SUCLG2: variants seen among roughly 807,000 people sequenced by gnomAD.
The protein encoded by SUCLG2 is succinate-CoA ligase GDP-forming subunit beta, also known as succinate--CoA ligase [GDP-forming] subunit beta, mitochondrial.
A neutral mutation model predicts 47.9 loss-of-function variants in SUCLG2; 42 were observed. The observed-to-expected ratio is 0.88, with a 90% CI of 0.69 to 1.14. The LOEUF (loss-of-function observed/expected upper bound fraction) is 1.14. SUCLG2 is among the 50% of genes most tolerant of loss of function. The probability of loss-of-function intolerance (pLI) is 0.00; values close to 1 mark genes in which losing one functional copy is unlikely to be tolerated. For missense variants in SUCLG2, 571 were observed against 525.9 expected, an observed-to-expected ratio of 1.09 and a Z score of -0.84; for synonymous variants, 195 against 197.3, an observed-to-expected ratio of 0.99 and a Z score of 0.10.
intron 10 of SUCLG2, among the ~76,000 whole-genome samples, chr3:67,395,258 G>C (rs1702496796): frequency 1.3e-5 from 2 of 152,228 alleles, no homozygotes; most frequent in South Asian, 4.2e-4. Flanking sequence ...ACCCATCAGT[G>C]TGCTGTATTC....
chr3:67,569,229 T>C (rs1172512919), intron 2 of SUCLG2, among the ~76,000 whole-genome samples: 2 of 152,246 alleles, frequency 1.3e-5, no homozygotes, highest in African/African-American at 4.8e-5. Flanking sequence ...TTAAAAATGC[T>C]AAATTCTTAG....
chr3:67,492,701 G>C (rs73836532), intron 9 of SUCLG2, among the ~76,000 whole-genome samples: 3,308 of 152,228 alleles, frequency 0.022, 66 homozygotes, highest in African/African-American at 0.052. Flanking sequence ...CAGTAAGTGA[G>C]TTTATCTTGA....
chr3:67,470,286 T>G (rs1409513267), intron 9 of SUCLG2, among the ~76,000 whole-genome samples: 1 of 152,202 alleles, frequency 6.6e-6, no homozygotes, highest in African/African-American at 2.4e-5. Flanking sequence ...TAGCCAAAAA[T>G]GTGCACATAA....
At chr3:67,458,766 T>G (rs1704253890) in intron 9 of SUCLG2, among the ~76,000 whole-genome samples, 1 of 152,172 alleles carries the variant, frequency 6.6e-6, no homozygotes. Context: ...TGAATGCATA[T>G]TAAAACACTC....
At chr3:67,389,540 A>C (rs1430944283) in intron 10 of SUCLG2, among the ~76,000 whole-genome samples, 5 of 152,168 alleles carry the variant, frequency 3.3e-5, no homozygotes. Context: ...AGTGGAGAAA[A>C]AGTTGCCAAC....
chr3:67,479,021 A>G (rs1704841565), intron 9 of SUCLG2, among the ~76,000 whole-genome samples: 1 of 152,252 alleles, frequency 6.6e-6, no homozygotes, highest in African/African-American at 2.4e-5. Flanking sequence ...ATGGGAATTA[A>G]AAGTAGCTCA....
chr3:67,540,789 C>T (rs1706682259), intron 2 of SUCLG2, among the ~76,000 whole-genome samples: 1 of 152,304 alleles, frequency 6.6e-6, no homozygotes, highest in East Asian at 1.9e-4. Context: ...ACACCTCATA[C>T]AGGAGAGCTC....
chr3:67,597,028 T>C (rs1453331674), intron 2 of SUCLG2, among the ~76,000 whole-genome samples: 1 of 152,208 alleles, frequency 6.6e-6, no homozygotes, highest in Non-Finnish European at 1.5e-5. Context: ...TTTGTTAACA[T>C]GACCTGCCAG....
At chr3:67,580,327 T>C (rs925690699) in intron 2 of SUCLG2, among the ~76,000 whole-genome samples, 38 of 152,210 alleles carry the variant, frequency 2.5e-4, no homozygotes, top group Non-Finnish European at 4.0e-4. Flanking sequence ...CACATTCATA[T>C]GTAAGTCTGG....
intron 1 of SUCLG2, among the ~76,000 whole-genome samples, chr3:67,613,077 C>A (rs1175700523): frequency 6.6e-6 from 1 of 152,188 alleles, no homozygotes; most frequent in Non-Finnish European, 1.5e-5. Context: ...GCAATCTGGA[C>A]ACTCTCCAAA....
At chr3:67,654,429 G>C in intron 1 of SUCLG2, 74 bp downstream of exon 1, 2 of 1,154,462 alleles carry the variant, frequency 1.7e-6, no homozygotes, top group Non-Finnish European at 2.2e-6. Flanking sequence ...GAGACCAAGA[G>C]TAGCAGGGGG....
At chr3:67,503,997 G>T (rs1027971449) in intron 7 of SUCLG2, among the ~76,000 whole-genome samples, 3 of 152,050 alleles carry the variant, frequency 2.0e-5, no homozygotes, top group Non-Finnish European at 4.4e-5. Context: ...ACACATAAAA[G>T]GAACATAAAA....
rs1199915140 is a variant in SUCLG2, at chr3:67,590,236, T to G, written c.226+19219A>C. ...AATAAAAAACATAATTTTAAAATAT[T>G]TCTATTATGTTCTTTCCCACATACC... On this transcript the variant is annotated intron_variant, in intron 2 of 10. Coordinates refer to ENST00000307227, the MANE Select transcript of SUCLG2 (RefSeq NM_003848.4). Among the ~76,000 whole-genome samples, 4 of 152,188 alleles carry G rather than the reference T, an allele frequency of 2.6e-5. No individual in the cohort carries two copies. The South Asian group carries it at 6.2e-4, about 24-fold the overall frequency.
At chr3:67,604,819 A>C (rs1390670485) in intron 2 of SUCLG2, among the ~76,000 whole-genome samples, 4 of 152,254 alleles carry the variant, frequency 2.6e-5, no homozygotes, top group Non-Finnish European at 5.9e-5. Flanking sequence ...GAAATCACAG[A>C]TATGATTAAT....
At chr3:67,519,934 G>C (rs1706049230) in intron 5 of SUCLG2, among the ~76,000 whole-genome samples, 1 of 152,024 alleles carries the variant, frequency 6.6e-6, no homozygotes, top group Admixed American at 6.5e-5. Flanking sequence ...TTTGACCTCA[G>C]ATCTCTGACT....
intron 1 of SUCLG2, among the ~76,000 whole-genome samples, chr3:67,615,038 C>G (rs1700599553): frequency 6.6e-6 from 1 of 151,978 alleles, no homozygotes; most frequent in Non-Finnish European, 1.5e-5. Flanking sequence ...ATAGAGCAAA[C>G]ATTTCTAAGC....
intron 9 of SUCLG2, among the ~76,000 whole-genome samples, chr3:67,412,839 G>C (rs753385650): frequency 6.6e-6 from 1 of 152,112 alleles, no homozygotes; most frequent in Non-Finnish European, 1.5e-5. Flanking sequence ...TGTGAGATGA[G>C]TGTGCCATTG....
chr3:67,507,221 A>G (rs1421429291), intron 7 of SUCLG2, among the ~76,000 whole-genome samples: 2 of 152,220 alleles, frequency 1.3e-5, no homozygotes, highest in African/African-American at 4.8e-5. Flanking sequence ...AATATTTATG[A>G]ATAAAGGTAG....
chr3:67,468,137 A>G (rs978898511), intron 9 of SUCLG2, among the ~76,000 whole-genome samples: 4 of 152,190 alleles, frequency 2.6e-5, no homozygotes, highest in Admixed American at 6.5e-5. Context: ...AAAAAAATCG[A>G]ACTCACTCAA....
Sources: gnomAD v4.1 joint callset for allele counts (sites outside exome capture counted in the v4.1 genomes callset) on GRCh38, gnomAD v4.1.1 for gene constraint, MANE v1.5 for transcripts, NCBI Gene and HGNC (gene_info 2026-07-23, HGNC 2026-07-21) for gene names.